The following NLGN1 variants were observed in gnomAD, a reference collection of about 807,000 sequenced individuals.
The protein encoded by NLGN1 is neuroligin 1.
In NLGN1, 12 loss-of-function variants were observed where a neutral mutation model predicts 65.5. The observed-to-expected ratio is 0.18, with a 90% confidence interval of 0.12 to 0.30. The LOEUF (loss-of-function observed/expected upper bound fraction) is 0.30, where lower values mean the gene tolerates loss of function less well. NLGN1 is among the 10% of genes least tolerant of loss of function. NLGN1 has a pLI of 1.00. For missense variants in NLGN1, 750 were observed against 1,007.1 expected (o/e 0.74, Z 3.46); for synonymous variants, 350 against 359.5 (o/e 0.97, Z 0.30).
At chr3:173,497,964 A>G (rs542169659) in intron 2 of NLGN1, among the ~76,000 whole-genome samples, 2 of 151,954 alleles carry the variant, frequency 1.3e-5, no homozygotes, top group South Asian at 2.1e-4. Flanking sequence ...GGCACTTTTT[A>G]TAAGGTTTTA....
rs1488349718 is a variant in NLGN1, at chr3:173,493,752, A to G, written c.-321+58674A>G. 3.3e-5 allele frequency among the ~76,000 whole-genome samples: 5 copies of G among 151,864 alleles called. No homozygotes were observed. In the East Asian group the frequency reaches 7.7e-4, roughly 23 times the overall value. ...AAAATGTAGGCAGTGTAGCACAAGA[A>G]TTTAGATAGTCAACAACTATTCTAT... On this transcript the variant is annotated intron_variant, in intron 2 of 6. Coordinates refer to ENST00000457714, the Ensembl canonical transcript of NLGN1.
At chr3:174,240,622 AT>A (rs752196509) in intron 4 of NLGN1, among the ~76,000 whole-genome samples, 4 of 152,210 alleles carry the variant, frequency 2.6e-5, no homozygotes, top group Admixed American at 6.5e-5. Context: ...CTGCAACTGT[AT>A]TTCAGAATAG....
In NLGN1 at chr3:174,080,533, T is replaced by C. The variant is rs114249693; in HGVS notation, c.647-194782T>C. On this transcript the variant is annotated intron_variant, in intron 4 of 6. Transcript: ENST00000457714. ...CATTACTTCTCACCTGATTCTTCCC[T>C]TGGGATGGGCTGGCACATGTGCAGT... 3.4e-3 allele frequency among the ~76,000 whole-genome samples: 524 copies of C among 152,252 alleles called. 2 individuals are homozygous for C. Among genetic ancestry groups the C allele is most frequent in the African/African-American group, 0.012 (488 of 41,552 alleles).
At chr3:173,550,636 C>T (rs1740676320) in intron 2 of NLGN1, among the ~76,000 whole-genome samples, 1 of 31,726 alleles carries the variant, frequency 3.2e-5, no homozygotes, top group Admixed American at 2.9e-4. Flanking sequence ...TTGTAACCTG[C>T]AATGTCTTTT....
chr3:173,609,399 A>G (rs756182450), intron 3 of NLGN1, among the ~76,000 whole-genome samples: 14 of 151,960 alleles, frequency 9.2e-5, no homozygotes, highest in Admixed American at 2.6e-4. Flanking sequence ...AAAGTGTTTT[A>G]CGTGCTCTGG....
chr3:174,049,048 A>G (rs1049353846), intron 4 of NLGN1, among the ~76,000 whole-genome samples: 2 of 150,690 alleles, frequency 1.3e-5, no homozygotes, highest in African/African-American at 5.0e-5. Context: ...TGGTGGGTTC[A>G]ATTAAGTAAA....
At chr3:173,537,444 G>A (rs553345488) in intron 2 of NLGN1, among the ~76,000 whole-genome samples, 11 of 151,556 alleles carry the variant, frequency 7.3e-5, no homozygotes, top group East Asian at 1.9e-4. Context: ...TACATCTTAC[G>A]TTACATGACA....
intron 2 of NLGN1, among the ~76,000 whole-genome samples, chr3:173,560,045 G>A (rs1043584459): frequency 6.7e-6 from 1 of 149,404 alleles, no homozygotes; most frequent in South Asian, 2.1e-4. Context: ...CCGGGTTCAC[G>A]CCATTCTCCT....
At chr3:174,045,156 G>A (rs1185302086) in intron 4 of NLGN1, among the ~76,000 whole-genome samples, 57 of 152,074 alleles carry the variant, frequency 3.7e-4, no homozygotes, top group Non-Finnish European at 8.8e-5. Flanking sequence ...CCACTACCCA[G>A]TAACAATTGA....
intron 3 of NLGN1, among the ~76,000 whole-genome samples, chr3:173,638,182 A>G (rs1577672923): frequency 6.6e-6 from 1 of 150,540 alleles, no homozygotes; most frequent in African/African-American, 2.4e-5. Flanking sequence ...AGGGGAATGC[A>G]TTTGTTAGAT....
At chr3:174,218,693 G>A (rs183800350) in intron 4 of NLGN1, among the ~76,000 whole-genome samples, 43 of 152,202 alleles carry the variant, frequency 2.8e-4, no homozygotes, top group Middle Eastern at 3.4e-3. Context: ...CAGCATGATT[G>A]AGGCCTTGTT....
chr3:173,432,812 T>G (rs540634206), intron 1 of NLGN1, among the ~76,000 whole-genome samples: 1 of 152,306 alleles, frequency 6.6e-6, no homozygotes, highest in African/African-American at 2.4e-5. Context: ...CCTCTAGGTT[T>G]ATTTCCTGTT....
intron 4 of NLGN1, among the ~76,000 whole-genome samples, chr3:174,115,990 C>T (rs1445633942): frequency 6.6e-6 from 1 of 152,072 alleles, no homozygotes; most frequent in Non-Finnish European, 1.5e-5. Context: ...GTGCATATGC[C>T]TTGTACCATC....
chr3:173,547,699 G>A (rs1313541974), intron 2 of NLGN1, among the ~76,000 whole-genome samples: 2 of 152,030 alleles, frequency 1.3e-5, no homozygotes, highest in African/African-American at 4.8e-5. Context: ...ATTGCATTGG[G>A]ATGAGAATAA....
intron 3 of NLGN1, among the ~76,000 whole-genome samples, chr3:173,609,070 C>T (rs944696382): frequency 5.9e-5 from 9 of 151,814 alleles, no homozygotes; most frequent in East Asian, 1.9e-4. Flanking sequence ...CTGTGAGAGT[C>T]GCTAACAAAC....
chr3:174,001,939 G>A (rs1209789711), intron 4 of NLGN1, among the ~76,000 whole-genome samples: 1 of 151,712 alleles, frequency 6.6e-6, no homozygotes, highest in African/African-American at 2.4e-5. Flanking sequence ...GCTGCACTTC[G>A]GAAACTCTGA....
At chr3:173,787,108 G>A (rs1458941225) in intron 3 of NLGN1, among the ~76,000 whole-genome samples, 1 of 151,814 alleles carries the variant, frequency 6.6e-6, no homozygotes, top group Non-Finnish European at 1.5e-5. Flanking sequence ...AGATATTGGA[G>A]TGATTATTCC....
chr3:173,778,702 A>G (rs559446090), intron 3 of NLGN1, among the ~76,000 whole-genome samples: 1 of 152,102 alleles, frequency 6.6e-6, no homozygotes, highest in South Asian at 2.1e-4. Flanking sequence ...TTTCTTAACA[A>G]TAAAGTTAAT....
chr3:173,398,359 C>T (rs1717007024), upstream of NLGN1: 1 of 152,200 alleles, frequency 6.6e-6, no homozygotes, highest in East Asian at 1.9e-4. Context: ...ATGTCACTCC[C>T]TAGATCCCCC....
Sources: allele counts gnomAD v4.1 joint callset (sites outside exome capture counted in the v4.1 genomes callset), GRCh38; gene constraint gnomAD v4.1.1; transcripts MANE v1.5; gene names NCBI Gene and HGNC (gene_info 2026-07-23, HGNC 2026-07-21).